The following TAFA5 variants were observed in gnomAD, a reference collection of about 807,000 sequenced individuals.
TAFA5 encodes the protein chemokine-like protein TAFA-5.
A neutral mutation model predicts 15.3 loss-of-function variants in TAFA5; 6 were observed. The observed-to-expected ratio is 0.39, with a 90% CI of 0.21 to 0.77. The LOEUF (loss-of-function observed/expected upper bound fraction) is 0.77. TAFA5 is among the 30% of genes least tolerant of loss of function. The pLI, the probability that TAFA5 is intolerant of heterozygous loss-of-function variation, is 0.41. For missense variants in TAFA5, 161 were observed against 193.1 expected (o/e 0.83, Z 0.98); for synonymous variants, 103 against 80.7 (o/e 1.28, Z -1.48).
intron 3 of TAFA5, among the ~76,000 whole-genome samples, chr22:48,738,586 A>C (rs2147271995): frequency 6.6e-6 from 1 of 152,308 alleles, no homozygotes; most frequent in Non-Finnish European, 1.5e-5. Context: ...TGATTGCACC[A>C]CAGCCTCCTC....
Position 48,735,250 on chromosome 22 carries a change from C to A in TAFA5, c.391-14589C>A, listed in dbSNP as rs371707574. On this transcript the variant is annotated intron_variant, in intron 3 of 3. Transcript: ENST00000402357. ...GGAGCCCCTGATCTCCTCTAGCCAC[C>A]CCGACTGACCTCAGAACCTCAAACG... 5.7e-3 allele frequency among the ~76,000 whole-genome samples: 865 copies of A among 152,312 alleles called. 5 individuals carry two copies. The highest frequency in any genetic ancestry group is 0.02 in the African/African-American group (811 of 41,560).
intron 3 of TAFA5, among the ~76,000 whole-genome samples, chr22:48,725,495 G>C (rs375601936): frequency 4.7e-4 from 72 of 152,272 alleles, no homozygotes; most frequent in African/African-American, 1.7e-3. Flanking sequence ...CACAGAGATG[G>C]ACTGCATGGC....
chr22:48,555,402 G>T (rs752754712), intron 1 of TAFA5, among the ~76,000 whole-genome samples: 4 of 152,216 alleles, frequency 2.6e-5, no homozygotes, highest in African/African-American at 9.7e-5. Context: ...GTCCTGCGAG[G>T]GATTTCCGGG....
chr22:48,533,884 C>T (rs1184604534), intron 1 of TAFA5, among the ~76,000 whole-genome samples: 7 of 152,210 alleles, frequency 4.6e-5, no homozygotes, highest in Admixed American at 4.6e-4. Context: ...GCTGTTTTCA[C>T]CATGTTTGGT....
rs191751528 is a variant in TAFA5 at position 48,710,109 on chromosome 22, G to A, written c.390+2265G>A. Among the ~76,000 whole-genome samples the A allele has an allele frequency of 4.5e-3, 687 of 152,160 alleles. 4 individuals are homozygous for A. Among genetic ancestry groups the A allele is most frequent in the African/African-American group, 0.016 (663 of 41,532 alleles). On this transcript the variant is annotated intron_variant, in intron 3 of 3. Transcript: ENST00000402357. ...TGCCCTTCACCCACCAGGCACCATC[G>A]GGGTCTTCAGATCTGCATGAAGGCT...
chr22:48,649,232 A>C (rs1419939204), intron 2 of TAFA5, among the ~76,000 whole-genome samples: 1 of 152,200 alleles, frequency 6.6e-6, no homozygotes, highest in Non-Finnish European at 1.5e-5. Context: ...CAGGTGGGAT[A>C]CCCAGGAAGA....
At position 48,693,040 on chromosome 22, in the gene TAFA5, G is replaced by A. The variant is rs1011788050; in HGVS notation, c.263-14677G>A. Among the ~76,000 whole-genome samples the A allele has an allele frequency of 5.9e-5, 9 of 152,186 alleles. No individual in the cohort carries two copies. The South Asian group carries it at 1.7e-3, about 28-fold the overall frequency. ...ACAGAACTCAGCAGAACTCAGCAGCGTGTTTGTCAAGGGCACTTACTCAGG... is the reference window on the plus strand; with the variant it reads ...ACAGAACTCAGCAGAACTCAGCAGCATGTTTGTCAAGGGCACTTACTCAGG... On this transcript the variant is annotated intron_variant, in intron 2 of 3. Coordinates refer to ENST00000402357, the MANE Select transcript of TAFA5 (RefSeq NM_001082967.3).
At chr22:48,524,433 G>A (rs1298452760) in intron 1 of TAFA5, among the ~76,000 whole-genome samples, 1 of 152,174 alleles carries the variant, frequency 6.6e-6, no homozygotes, top group Admixed American at 6.5e-5. Context: ...TGGCCTAGGC[G>A]CTTGGTCAGG....
At chr22:48,685,814 C>G (rs1175111938) in intron 2 of TAFA5, among the ~76,000 whole-genome samples, 1 of 152,140 alleles carries the variant, frequency 6.6e-6, no homozygotes, top group Non-Finnish European at 1.5e-5. Flanking sequence ...ACACCTGTTG[C>G]CGGCTGCATC....
intron 1 of TAFA5, among the ~76,000 whole-genome samples, chr22:48,604,204 A>G (rs1312299787): frequency 6.6e-6 from 1 of 152,312 alleles, no homozygotes; most frequent in East Asian, 1.9e-4. Context: ...TCTTGGCCAC[A>G]GTACAGGCAA....
intron 1 of TAFA5, among the ~76,000 whole-genome samples, chr22:48,580,352 C>T (rs1452694188): frequency 6.6e-6 from 1 of 152,222 alleles, no homozygotes; most frequent in Non-Finnish European, 1.5e-5. Flanking sequence ...GCAGCCAATG[C>T]AGAGTGTTCG....
At chr22:48,725,179 C>T (rs1463773295) in intron 3 of TAFA5, among the ~76,000 whole-genome samples, 2 of 152,242 alleles carry the variant, frequency 1.3e-5, no homozygotes, top group African/African-American at 4.8e-5. Flanking sequence ...TTCAGGCCAT[C>T]CCGGAGTGGG....
intron 1 of TAFA5, among the ~76,000 whole-genome samples, chr22:48,636,627 G>GCCTGTGTGGATCGCTCCGAATGGAGGT (rs1337513862): frequency 6.6e-6 from 1 of 152,184 alleles, no homozygotes; most frequent in Non-Finnish European, 1.5e-5. Context: ...TCTGTTGTGG[G>GCCTGTGTGGATCGCTCCGAATGGAGGT]GAGACGCTCC....
intron 3 of TAFA5, among the ~76,000 whole-genome samples, chr22:48,735,853 C>T (rs1929996591): frequency 6.7e-6 from 1 of 148,616 alleles, no homozygotes; most frequent in African/African-American, 2.5e-5. Flanking sequence ...ATGAGAATCG[C>T]ACTCCTAGAG....
chr22:48,744,134 A>C (rs898118906), intron 3 of TAFA5, among the ~76,000 whole-genome samples: 1 of 152,006 alleles, frequency 6.6e-6, no homozygotes, highest in South Asian at 2.1e-4. Context: ...TCGTTCCCAG[A>C]ATGTGTGTCT....
intron 2 of TAFA5, chr22:48,693,363 C>G: frequency 1.2e-6 from 2 of 1,612,534 alleles, no homozygotes; most frequent in Non-Finnish European, 1.7e-6. Flanking sequence ...CGAAATGTAC[C>G]ACCACCGGGA....
intron 1 of TAFA5, among the ~76,000 whole-genome samples, chr22:48,594,134 C>G (rs946333019): frequency 1.3e-5 from 2 of 152,206 alleles, no homozygotes; most frequent in African/African-American, 4.8e-5. Flanking sequence ...TGTGTTTGCA[C>G]TCTTTCTCTG....
chr22:48,557,241 C>T (rs774878477), intron 1 of TAFA5, among the ~76,000 whole-genome samples: 1 of 152,124 alleles, frequency 6.6e-6, no homozygotes, highest in African/African-American at 2.4e-5. Context: ...TAAATGGGGT[C>T]GTAAGGGTGG....
chr22:48,633,524 G>T (rs202227214), intron 1 of TAFA5, among the ~76,000 whole-genome samples: 1 of 90,114 alleles, frequency 1.1e-5, no homozygotes, highest in East Asian at 3.6e-4. Flanking sequence ...CTGTCTGTCT[G>T]TCTGTCTGTC....
Sources: gnomAD v4.1 joint callset for allele counts (sites outside exome capture counted in the v4.1 genomes callset) on GRCh38, gnomAD v4.1.1 for gene constraint, MANE v1.5 for transcripts, NCBI Gene and HGNC (gene_info 2026-07-23, HGNC 2026-07-21) for gene names.